The following PLCB1 variants were observed in gnomAD, a reference collection of about 807,000 sequenced individuals.
The protein encoded by PLCB1 is phospholipase C beta 1.
A neutral mutation model predicts 161.8 loss-of-function variants in PLCB1; 46 were observed. The observed-to-expected ratio is 0.28, with a 90% CI of 0.22 to 0.36. PLCB1 has a LOEUF of 0.36. Among genes scored for constraint, PLCB1 ranks in the 10% least tolerant of loss-of-function variants. The pLI is 1.00. For synonymous variants in PLCB1, 517 were observed against 503.7 expected (o/e 1.03, Z -0.35); for missense variants, 1,016 against 1,472.5 (o/e 0.69, Z 5.07).
At position 8,336,618 on chromosome 20, in the gene PLCB1, G is replaced by A. The variant is rs139179459; in HGVS notation, c.178-34764G>A. 1.1e-3 allele frequency among the ~76,000 whole-genome samples: 160 copies of A among 152,252 alleles called. 1 individual carries two copies. The highest frequency in any genetic ancestry group is 3.7e-3 in the African/African-American group (153 of 41,546). ...ATTTCAAACAAGATACCAGGTGATC[G>A]TAGTCCTAGGACTACACTTTGAGGA... is the stretch of plus-strand genomic sequence containing the variant. On this transcript the variant is annotated intron_variant, in intron 2 of 31. Transcript: ENST00000338037.
chr20:8,321,688 C>T lies in PLCB1; in HGVS notation c.178-49694C>T, dbSNP rs1169596100. Among the ~76,000 whole-genome samples the T allele has an allele frequency of 2.0e-5, 3 of 152,138 alleles. No homozygotes were observed. In the East Asian group the frequency reaches 5.8e-4, roughly 29 times the overall value. On this transcript the variant is annotated intron_variant, in intron 2 of 31. Coordinates refer to ENST00000338037, the MANE Select transcript of PLCB1 (RefSeq NM_015192.4). ...AACTTAGACTGGCTTTATAACAGTG[C>T]AAGGTCTAAAACTTTGTTACCAAGT...
intron 2 of PLCB1, among the ~76,000 whole-genome samples, chr20:8,181,991 C>T (rs2123091786): frequency 6.6e-6 from 1 of 152,060 alleles, no homozygotes; most frequent in African/African-American, 2.4e-5. Context: ...AAAAAGCTAC[C>T]ACTAATACTG....
intron 9 of PLCB1, among the ~76,000 whole-genome samples, chr20:8,683,143 A>T (rs1037185329): frequency 2.0e-5 from 3 of 151,886 alleles, no homozygotes; most frequent in Admixed American, 6.6e-5. Context: ...AGTTAATACA[A>T]AGGTTACTAA....
chr20:8,431,712 T>C (rs1008205347), intron 3 of PLCB1, among the ~76,000 whole-genome samples: 4 of 152,188 alleles, frequency 2.6e-5, no homozygotes, highest in Admixed American at 6.5e-5. Context: ...CACAATAGTG[T>C]AAAGTTTTCT....
chr20:8,701,681 C>T (rs1388253195), intron 11 of PLCB1, among the ~76,000 whole-genome samples: 1 of 152,174 alleles, frequency 6.6e-6, no homozygotes, highest in Non-Finnish European at 1.5e-5. Context: ...CCTGATCTGT[C>T]CCAAGTTCTC....
At chr20:8,244,247 T>C (rs116582190) in intron 2 of PLCB1, among the ~76,000 whole-genome samples, 3,524 of 152,008 alleles carry the variant, frequency 0.023, 144 homozygotes, top group African/African-American at 0.08. Context: ...CAGTCTAAGA[T>C]AAATGATCAT....
At chr20:8,558,335 TA>T (rs1290039036) in intron 3 of PLCB1, among the ~76,000 whole-genome samples, 1 of 151,286 alleles carries the variant, frequency 6.6e-6, no homozygotes, top group Non-Finnish European at 1.5e-5. Context: ...AATAAATAAA[TA>T]TAAATGAATC....
At chr20:8,342,776 A>G (rs538023993) in intron 2 of PLCB1, among the ~76,000 whole-genome samples, 2 of 152,332 alleles carry the variant, frequency 1.3e-5, no homozygotes, top group South Asian at 4.1e-4. Context: ...AGACAAAAAA[A>G]TCCTTGGAAG....
chr20:8,490,780 G>C (rs1982910869), intron 3 of PLCB1, among the ~76,000 whole-genome samples: 1 of 151,934 alleles, frequency 6.6e-6, no homozygotes, highest in Non-Finnish European at 1.5e-5. Context: ...ATTTGGTAAA[G>C]CGTCTGTTTA....
intron 2 of PLCB1, among the ~76,000 whole-genome samples, chr20:8,155,904 G>A (rs1419737086): frequency 2.0e-5 from 3 of 152,200 alleles, no homozygotes; most frequent in African/African-American, 7.2e-5. Flanking sequence ...GGATTGCTTT[G>A]TGAGGGCTGG....
intron 3 of PLCB1, among the ~76,000 whole-genome samples, chr20:8,492,180 T>C (rs1159584342): frequency 6.6e-6 from 1 of 152,084 alleles, no homozygotes; most frequent in Admixed American, 6.5e-5. Context: ...CCAACCATTT[T>C]TTTTTTTTCA....
At position 8,364,923 on chromosome 20, in the gene PLCB1, C is replaced by G. The variant is rs74619290; in HGVS notation, c.178-6459C>G. Among the ~76,000 whole-genome samples the G allele has an allele frequency of 2.0e-3, 299 of 152,220 alleles. 1 individual carries two copies. The highest frequency in any genetic ancestry group is 3.4e-3 in the Non-Finnish European group (233 of 68,004). On this transcript the variant is annotated intron_variant, in intron 2 of 31. Coordinates refer to ENST00000338037, the MANE Select transcript of PLCB1 (RefSeq NM_015192.4). ...GTTTTTATGAAGTAGCTATAGAGTT[C>G]CAGGTTTTCAGATCTTTTTCTTTTT...
At chr20:8,521,314 C>T in intron 3 of PLCB1, among the ~76,000 whole-genome samples, 1 of 112,314 alleles carries the variant, frequency 8.9e-6, no homozygotes, top group South Asian at 2.7e-4. Context: ...CATCTTAAGA[C>T]TTATAAAAGG....
intron 3 of PLCB1, among the ~76,000 whole-genome samples, chr20:8,556,436 A>G (rs1263287575): frequency 6.6e-6 from 1 of 152,096 alleles, no homozygotes; most frequent in Non-Finnish European, 1.5e-5. Context: ...ACTGGAAGGA[A>G]AAGCTGGAGA....
intron 3 of PLCB1, among the ~76,000 whole-genome samples, chr20:8,601,760 G>A (rs1243599730): frequency 6.6e-6 from 1 of 152,150 alleles, no homozygotes; most frequent in Non-Finnish European, 1.5e-5. Flanking sequence ...TTGCACTTGA[G>A]TAAAGCAGAT....
At chr20:8,875,325 GAAGCAAATAAC>G (rs1283510331) in intron 31 of PLCB1, among the ~76,000 whole-genome samples, 2 of 149,764 alleles carry the variant, frequency 1.3e-5, no homozygotes, top group African/African-American at 4.9e-5. Flanking sequence ...CTCCTAGACA[GAAGCAAATAAC>G]AAGCAAATAA....
At chr20:8,582,494 C>G (rs1177415483) in intron 3 of PLCB1, among the ~76,000 whole-genome samples, 1 of 152,152 alleles carries the variant, frequency 6.6e-6, no homozygotes, top group Non-Finnish European at 1.5e-5. Flanking sequence ...GTAACTACGT[C>G]CTTGCCTAGC....
intron 3 of PLCB1, among the ~76,000 whole-genome samples, chr20:8,541,828 G>A (rs1425029542): frequency 6.6e-6 from 1 of 152,176 alleles, no homozygotes; most frequent in Non-Finnish European, 1.5e-5. Flanking sequence ...AAGCTACCAA[G>A]AATTCTGAGA....
intron 3 of PLCB1, among the ~76,000 whole-genome samples, chr20:8,390,267 G>A (rs759120525): frequency 5.9e-5 from 9 of 152,114 alleles, no homozygotes; most frequent in Non-Finnish European, 5.9e-5. Flanking sequence ...GCTTACAGAT[G>A]GCTGCCTTCC....
Sources: gnomAD v4.1 joint callset for allele counts (sites outside exome capture counted in the v4.1 genomes callset) on GRCh38, gnomAD v4.1.1 for gene constraint, MANE v1.5 for transcripts, NCBI Gene and HGNC (gene_info 2026-07-23, HGNC 2026-07-21) for gene names.